The following CCSER1 variants were observed in gnomAD, a reference collection of about 807,000 sequenced individuals.
CCSER1 encodes coiled-coil serine rich protein 1.
Under a neutral mutation model 82.0 loss-of-function variants are expected in CCSER1, and 41 were observed. That is an observed-to-expected ratio of 0.50 (90% CI 0.39 to 0.65). The LOEUF is 0.65. Ranked by LOEUF, CCSER1 falls within the 30% of genes least tolerant of loss-of-function variation. The pLI is 0.00. For missense variants in CCSER1, 1,119 were observed against 1,064.2 expected (o/e 1.05, Z -0.72); for synonymous variants, 414 against 383.9 (o/e 1.08, Z -0.92).
chr4:91,248,856 G>A (rs1424734057), intron 10 of CCSER1, among the ~76,000 whole-genome samples: 1 of 152,010 alleles, frequency 6.6e-6, no homozygotes, highest in Non-Finnish European at 1.5e-5. Flanking sequence ...TATGCATGGG[G>A]ATTCTATACT....
intron 10 of CCSER1, among the ~76,000 whole-genome samples, chr4:91,269,714 T>A (rs1741877750): frequency 6.6e-6 from 1 of 152,138 alleles, no homozygotes; most frequent in African/African-American, 2.4e-5. Context: ...CTTATATAAC[T>A]CAGATATTTT....
chr4:91,431,012 G>A (rs552276403), intron 10 of CCSER1, among the ~76,000 whole-genome samples: 3 of 152,136 alleles, frequency 2.0e-5, no homozygotes, highest in Non-Finnish European at 4.4e-5. Flanking sequence ...GGAGGTGGGC[G>A]GATAACGAGG....
chr4:90,381,828 A>T (rs970204395), intron 3 of CCSER1, among the ~76,000 whole-genome samples: 1 of 152,062 alleles, frequency 6.6e-6, no homozygotes, highest in Non-Finnish European at 1.5e-5. Context: ...ATGTTTCTCC[A>T]AACTTATTAT....
chr4:90,492,146 C>G (rs887775424), intron 5 of CCSER1, among the ~76,000 whole-genome samples: 6 of 152,052 alleles, frequency 3.9e-5, no homozygotes, highest in African/African-American at 1.4e-4. Context: ...CTGTCTGGTC[C>G]TGGACTTTTT....
intron 10 of CCSER1, among the ~76,000 whole-genome samples, chr4:91,528,503 G>A (rs745685846): frequency 6.6e-5 from 10 of 151,996 alleles, no homozygotes; most frequent in Admixed American, 6.6e-4. Context: ...CAAAAACAGA[G>A]CAATGTTGCT....
At chr4:91,258,145 A>G (rs1740839232) in intron 10 of CCSER1, among the ~76,000 whole-genome samples, 1 of 152,134 alleles carries the variant, frequency 6.6e-6, no homozygotes, top group African/African-American at 2.4e-5. Context: ...AGTTTTACAA[A>G]TTTAGATTTC....
chr4:90,901,045 T>A (rs994132810), intron 8 of CCSER1, among the ~76,000 whole-genome samples: 5 of 151,856 alleles, frequency 3.3e-5, no homozygotes, highest in African/African-American at 1.2e-4. Flanking sequence ...TGCTCTAATT[T>A]GACTTTTTTT....
intron 3 of CCSER1, among the ~76,000 whole-genome samples, chr4:90,368,719 C>T (rs1318711440): frequency 1.3e-5 from 2 of 151,980 alleles, no homozygotes; most frequent in East Asian, 1.9e-4. Context: ...TTGTCTACCT[C>T]GCCTTCCTTA....
intron 9 of CCSER1, among the ~76,000 whole-genome samples, chr4:90,936,427 C>G (rs1337492226): frequency 1.3e-5 from 2 of 152,104 alleles, no homozygotes; most frequent in African/African-American, 4.8e-5. Flanking sequence ...TATTTCCTTG[C>G]AGTTGTCTTC....
intron 1 of CCSER1, among the ~76,000 whole-genome samples, chr4:90,227,068 CT>C (rs1743305652): frequency 6.6e-6 from 1 of 152,224 alleles, no homozygotes; most frequent in South Asian, 2.1e-4. Flanking sequence ...GCCTTGTGGT[CT>C]GAAGGCTTTC....
chr4:90,512,306 G>T (rs1006510277), intron 5 of CCSER1, among the ~76,000 whole-genome samples: 1 of 138,354 alleles, frequency 7.2e-6, no homozygotes, highest in East Asian at 2.1e-4. Flanking sequence ...TGAATTCCAA[G>T]CAAAAAAAAA....
chr4:90,986,390 G>C (rs1235402711), intron 9 of CCSER1, among the ~76,000 whole-genome samples: 1 of 151,754 alleles, frequency 6.6e-6, no homozygotes, highest in African/African-American at 2.4e-5. Flanking sequence ...GAGGTAGTCT[G>C]AAAGTTTGAA....
intron 1 of CCSER1, among the ~76,000 whole-genome samples, chr4:90,154,434 A>T (rs1306110456): frequency 2.0e-5 from 3 of 152,130 alleles, no homozygotes; most frequent in Admixed American, 2.0e-4. Context: ...TGGTAGCTTG[A>T]TGGGGATGGC....
chr4:90,688,865 ATAT>A (rs1735297550), intron 6 of CCSER1, among the ~76,000 whole-genome samples: 2 of 152,164 alleles, frequency 1.3e-5, no homozygotes, highest in Admixed American at 1.3e-4. Flanking sequence ...GTATAAATAC[ATAT>A]TATTATTTTT....
At chr4:91,362,162 A>G (rs1453401485) in intron 10 of CCSER1, among the ~76,000 whole-genome samples, 1 of 151,876 alleles carries the variant, frequency 6.6e-6, no homozygotes, top group Non-Finnish European at 1.5e-5. Flanking sequence ...TGAAAATTCT[A>G]GACTGGTGGC....
intron 10 of CCSER1, among the ~76,000 whole-genome samples, chr4:91,158,377 G>A (rs1051953179): frequency 6.6e-6 from 1 of 151,794 alleles, no homozygotes; most frequent in African/African-American, 2.4e-5. Context: ...TTATAGCCCT[G>A]GAATCCTTCT....
intron 5 of CCSER1, among the ~76,000 whole-genome samples, chr4:90,588,699 G>A (rs1782311547): frequency 6.6e-6 from 1 of 152,138 alleles, no homozygotes; most frequent in Non-Finnish European, 1.5e-5. Flanking sequence ...ATGGAATCAT[G>A]GGGTCGGTTT....
chr4:90,428,998 T>C (rs1325892287), intron 4 of CCSER1, among the ~76,000 whole-genome samples: 1 of 151,768 alleles, frequency 6.6e-6, no homozygotes, highest in East Asian at 1.9e-4. Flanking sequence ...TTAATAATAA[T>C]GTGTCAGTAT....
chr4:90,857,623 C>T (rs183827843), intron 8 of CCSER1, among the ~76,000 whole-genome samples: 2 of 152,082 alleles, frequency 1.3e-5, no homozygotes, highest in Non-Finnish European at 2.9e-5. Flanking sequence ...ACATCAGCCA[C>T]ATGACATAGA....
Sources: allele counts gnomAD v4.1 joint callset (sites outside exome capture counted in the v4.1 genomes callset), GRCh38; gene constraint gnomAD v4.1.1; transcripts MANE v1.5; gene names NCBI Gene and HGNC (gene_info 2026-07-23, HGNC 2026-07-21).